MPRIP: variants seen among roughly 807,000 people sequenced by gnomAD.
MPRIP encodes the protein myosin phosphatase Rho interacting protein.
MPRIP carries 59 observed loss-of-function variants against 234.9 expected under a neutral mutation model. The ratio of observed to expected loss-of-function variants is 0.25; its 90% confidence interval spans 0.20 to 0.31. The LOEUF (loss-of-function observed/expected upper bound fraction) is 0.31, where lower values mean the gene tolerates loss of function less well. MPRIP is among the 10% of genes least tolerant of loss of function. The probability of loss-of-function intolerance (pLI) is 1.00; values close to 1 mark genes in which losing one functional copy is unlikely to be tolerated. For synonymous variants in MPRIP, 1,144 were observed against 1,263.9 expected, an observed-to-expected ratio of 0.91 and a Z score of 2.01; for missense variants, 2,436 against 3,071.0, an observed-to-expected ratio of 0.79 and a Z score of 4.89.
At chr17:17,043,764 G>A (rs535016546) in intron 1 of MPRIP, among the ~76,000 whole-genome samples, 1 of 152,278 alleles carries the variant, frequency 6.6e-6, no homozygotes, top group East Asian at 1.9e-4. Context: ...TGGCCCTTGG[G>A]AACCCCTGCA....
At chr17:17,128,211 C>T (rs945020807) in intron 4 of MPRIP, among the ~76,000 whole-genome samples, 3 of 152,078 alleles carry the variant, frequency 2.0e-5, no homozygotes, top group Non-Finnish European at 4.4e-5. Context: ...GCCCAGGTGG[C>T]TTCCCTAGGA....
At chr17:17,124,413 C>T (rs529158043) in intron 3 of MPRIP, among the ~76,000 whole-genome samples, 4 of 152,210 alleles carry the variant, frequency 2.6e-5, no homozygotes, top group South Asian at 2.1e-4. Context: ...TGTGTGTGTG[C>T]ACACGCATGC....
At chr17:17,176,615 G>C in intron 21 of MPRIP, 103 bp downstream of exon 21, 1 of 885,030 alleles carries the variant, frequency 1.1e-6, no homozygotes, top group Admixed American at 2.0e-5. Context: ...TTCTGAAGCA[G>C]ATTTTACTCT....
chr17:17,057,480 G>A (rs951033420), intron 1 of MPRIP, among the ~76,000 whole-genome samples: 26 of 152,192 alleles, frequency 1.7e-4, no homozygotes, highest in African/African-American at 4.3e-4. Context: ...AGGGAGACGC[G>A]GTGCCTTCCC....
At chr17:17,084,888 G>A (rs1266122526) in intron 3 of MPRIP, among the ~76,000 whole-genome samples, 2 of 152,232 alleles carry the variant, frequency 1.3e-5, no homozygotes, top group African/African-American at 4.8e-5. Flanking sequence ...ACAGAAATCA[G>A]AACAATAAGA....
intron 11 of MPRIP, among the ~76,000 whole-genome samples, chr17:17,148,121 T>C (rs1043153892): frequency 2.0e-5 from 3 of 152,204 alleles, no homozygotes; most frequent in Admixed American, 6.5e-5. Context: ...TATTAAATAC[T>C]CTGAGCCAGT....
At chr17:17,095,286 G>A (rs543561955) in intron 3 of MPRIP, among the ~76,000 whole-genome samples, 4 of 152,198 alleles carry the variant, frequency 2.6e-5, no homozygotes, top group South Asian at 2.1e-4. Context: ...AATGAGTGGC[G>A]ACCCTTCAGA....
intron 4 of MPRIP, among the ~76,000 whole-genome samples, chr17:17,128,555 A>G (rs2090537005): frequency 6.6e-6 from 1 of 152,116 alleles, no homozygotes; most frequent in African/African-American, 2.4e-5. Flanking sequence ...TAATGGACCA[A>G]GGTACCGGGT....
intron 1 of MPRIP, among the ~76,000 whole-genome samples, chr17:17,065,356 C>T (rs12452303): frequency 0.13 from 19,095 of 148,372 alleles, 1,925 homozygotes; most frequent in African/African-American, 0.27. Flanking sequence ...TTGTATAACA[C>T]TACTTTCTGT....
At chr17:17,173,112 G>T (rs940348302) in intron 18 of MPRIP, among the ~76,000 whole-genome samples, 1 of 152,240 alleles carries the variant, frequency 6.6e-6, no homozygotes, top group Non-Finnish European at 1.5e-5. Flanking sequence ...TGTGTTCTTC[G>T]ACAGCTGCCC....
Position 17,167,741 on chromosome 17 carries a change from C to T in MPRIP, c.6150C>T (p.Ala2050=). The T allele has an allele frequency of 7.7e-7, 1 of 1,304,198 alleles. No homozygotes were observed. The highest frequency in any genetic ancestry group is 1.0e-6 in the Non-Finnish European group (1 of 988,952). The allele number at this position is 1,304,198 out of a possible 1,614,324, so 80.8% of individuals were successfully genotyped here. The change falls in exon 16 of 24, where the codon GCC becomes GCT. Residue 2050 remains alanine, a synonymous_variant. Transcript: ENST00000651222. This position sits in a 1 kb window ranked among gnomAD's most constrained non-coding sequence, Gnocchi z 5.9. The part of the protein sequence containing the change: ...GPHPKALPAP[A]PNWQATQGEA... ...ACCCCAAGGCCCTGCCAGCCCCTGCCCCCAACTGGCAGGCCACCCAGGGAG... is the reference window on the plus strand; with the variant it reads ...ACCCCAAGGCCCTGCCAGCCCCTGCTCCCAACTGGCAGGCCACCCAGGGAG...
chr17:17,181,667 G>T (rs568599072), intron 23 of MPRIP: 2 of 152,334 alleles, frequency 1.3e-5, no homozygotes, highest in South Asian at 4.1e-4. Flanking sequence ...ACTGTAGCTA[G>T]TATCTTTGAG....
In MPRIP at chr17:17,166,858, G is replaced by A. The variant is rs1009631181; in HGVS notation, c.5267G>A (p.Arg1756Gln). 49 of 1,304,064 alleles carry A rather than the reference G, an allele frequency of 3.8e-5. No individual in the cohort carries two copies. In the Admixed American group the frequency reaches 6.2e-4, roughly 16 times the overall value. 80.8% of individuals were successfully genotyped at this position (1,304,064 alleles called of 1,614,324 possible). The change falls in exon 16 of 24, where the codon CGA becomes CAA. Residue 1756 changes from arginine (R) to glutamine (Q), a missense_variant. Around this residue, in one of 4 missense-constraint regions of MPRIP, gnomAD observed 1,998 missense variants for 2,520.3 expected, o/e 0.79. Transcript: ENST00000651222. This position sits in a 1 kb window ranked among gnomAD's most constrained non-coding sequence, Gnocchi z 4.4. ...DLSPLGEVLG[R>Q]DSDSSQEPFD... ...AGCCCCTTAGGAGAAGTCCTGGGCC[G>A]AGACTCAGACAGCTCTCAGGAGCCC...
intron 1 of MPRIP, among the ~76,000 whole-genome samples, chr17:17,063,488 G>A (rs1044981256): frequency 6.6e-6 from 1 of 152,178 alleles, no homozygotes; most frequent in Non-Finnish European, 1.5e-5. Context: ...AGATGTTTGT[G>A]TATGGGAGGT....
At chr17:17,139,224 C>T (rs1439523592) in intron 7 of MPRIP, among the ~76,000 whole-genome samples, 1 of 152,220 alleles carries the variant, frequency 6.6e-6, no homozygotes, top group Non-Finnish European at 1.5e-5. Context: ...GGCCTCCAAG[C>T]CCAAATCCAG....
At chr17:17,096,428 C>T (rs150581355) in intron 3 of MPRIP, among the ~76,000 whole-genome samples, 11 of 151,780 alleles carry the variant, frequency 7.2e-5, no homozygotes, top group Non-Finnish European at 1.0e-4. Flanking sequence ...TGCTCCAGTA[C>T]CTTGGAGAAA....
chr17:17,151,079 C>T (rs971443596), intron 12 of MPRIP, among the ~76,000 whole-genome samples: 3 of 151,234 alleles, frequency 2.0e-5, no homozygotes, highest in African/African-American at 4.9e-5. Context: ...CCATGTTGCC[C>T]AGGAGGGTTT....
rs773377407 is a variant in MPRIP at position 17,185,548 on chromosome 17, A to G, written c.*654A>G. ...CCTATTTTTGTTTGTTTTTTATTAA[A>G]TCTTGCACAAAATCCCCGGCCCCTC... is the stretch of plus-strand genomic sequence containing the variant. On this transcript the variant is annotated 3_prime_UTR_variant, in exon 24 of 24. Coordinates refer to ENST00000651222, the MANE Select transcript of MPRIP (RefSeq NM_001364716.4). 1.8e-5 allele frequency: 8 copies of G among 456,712 alleles called. No individual in the cohort carries two copies. Among genetic ancestry groups the G allele is most frequent in the Admixed American group, 4.7e-5 (2 of 42,514 alleles). The allele number at this position is 456,712 out of a possible 1,614,324, so 28.3% of individuals were successfully genotyped here.
intron 3 of MPRIP, among the ~76,000 whole-genome samples, chr17:17,116,976 CT>C (rs2090297809): frequency 6.6e-6 from 1 of 152,190 alleles, no homozygotes; most frequent in South Asian, 2.1e-4. Context: ...TATCAGCCAT[CT>C]TAGCACAAGT....
Sources: gnomAD v4.1 joint callset for allele counts (sites outside exome capture counted in the v4.1 genomes callset) on GRCh38, gnomAD v4.1.1 for gene constraint, gnomAD v4.1.1 regional missense constraint, Gnocchi (gnomAD v3.1) non-coding constraint, MANE v1.5 for transcripts, NCBI Gene and HGNC (gene_info 2026-07-23, HGNC 2026-07-21) for gene names.